Variants in LEO1 observed in about 807,000 individuals in gnomAD.
LEO1 encodes LEO1 component of Paf1/RNA polymerase II complex.
In LEO1, 34 loss-of-function variants were observed where a neutral mutation model predicts 80.4. That is an observed-to-expected ratio of 0.42 (90% CI 0.32 to 0.56). LEO1 has a LOEUF of 0.56. Among genes scored for constraint, LEO1 ranks in the 20% least tolerant of loss-of-function variants. The pLI, the probability that LEO1 is intolerant of heterozygous loss-of-function variation, is 0.10. For missense variants in LEO1, 631 were observed against 814.2 expected (o/e 0.77, Z 2.74); for synonymous variants, 262 against 274.9 (o/e 0.95, Z 0.46).
At chr15:51,952,660 G>A (rs551879121) in intron 8 of LEO1, among the ~76,000 whole-genome samples, 15 of 152,110 alleles carry the variant, frequency 9.9e-5, no homozygotes. Context: ...GTCCTCTTGG[G>A]GGACACACCT....
chr15:51,955,277 G>A (rs1046245479), intron 6 of LEO1, among the ~76,000 whole-genome samples: 6 of 151,836 alleles, frequency 4.0e-5, no homozygotes, highest in Non-Finnish European at 8.8e-5. Context: ...TATAAAGCAA[G>A]TTCTCTCACA....
intron 11 of LEO1, 89 bp downstream of exon 11, chr15:51,947,203 G>T: frequency 1.2e-6 from 1 of 834,766 alleles, no homozygotes; most frequent in Non-Finnish European, 2.1e-6. Flanking sequence ...CAACTAATTT[G>T]TGCCTGCCTG....
At chr15:51,942,842 A>T (rs2141741270) in intron 11 of LEO1, among the ~76,000 whole-genome samples, 1 of 151,588 alleles carries the variant, frequency 6.6e-6, no homozygotes, top group African/African-American at 2.4e-5. Context: ...GAATTGCTTG[A>T]ACCCAGGAGG....
At position 51,947,011 on chromosome 15, in the gene LEO1, G is replaced by A. The variant is rs534989423; in HGVS notation, c.1896+281C>T. 1.5e-4 allele frequency: 57 copies of A among 383,520 alleles called. 1 individual carries two copies. In the South Asian group the frequency reaches 1.6e-3, roughly 11 times the overall value. The allele number at this position is 383,520 out of a possible 1,614,324, so 23.8% of individuals were successfully genotyped here. A position where few individuals can be genotyped will look rare whatever the true frequency, so the allele number is the denominator to read the frequency against. On this transcript the variant is annotated intron_variant, in intron 11 of 11. Transcript: ENST00000299601. Reference sequence around the variant, plus strand: ...CCAGGCCTTTCCATCTATCCGGAGTGACCTACCAGAGACAGGACAGTTTGA... The same window carrying A: ...CCAGGCCTTTCCATCTATCCGGAGTAACCTACCAGAGACAGGACAGTTTGA...
At chr15:51,963,756 G>A (rs549260305) in intron 2 of LEO1, among the ~76,000 whole-genome samples, 1 of 151,928 alleles carries the variant, frequency 6.6e-6, no homozygotes, top group Non-Finnish European at 1.5e-5. Flanking sequence ...ACAAAAATTA[G>A]CTGGGTTTGG....
In LEO1 at chr15:51,960,677, C is replaced by T. The variant is rs1310004927; in HGVS notation, c.976G>A (p.Asp326Asn). 6.2e-7 allele frequency: 1 copy of T among 1,611,456 alleles called. No individual in the cohort carries two copies. The highest frequency in any genetic ancestry group is 8.5e-7 in the Non-Finnish European group (1 of 1,177,532). ...GGAGTAGGTGGTTTGTCTTCTCCAT[C>T]ACTCCCTGAAGAGATATCATCTGCA... ...GGADDISSGS[D>N]GEDKPPTPGQ... Residue 326 changes from aspartate to asparagine, a missense_variant, in exon 4 of 12, where the codon GAT (aspartate) becomes AAT (asparagine). By Grantham distance (23) the Asp-to-Asn change is conservative. This residue lies in a region of LEO1 where 394 missense variants were observed against 395.6 expected (regional missense o/e 1.00). Coordinates refer to ENST00000299601, the MANE Select transcript of LEO1 (RefSeq NM_138792.4).
intron 1 of LEO1, among the ~76,000 whole-genome samples, chr15:51,968,828 CA>C (rs796663598): frequency 0.038 from 5,057 of 132,860 alleles, 271 homozygotes; most frequent in African/African-American, 0.13. Flanking sequence ...GACTCCGTCT[CA>C]AAAAAAAAAA....
chr15:51,948,023 A>G (rs2056916924), intron 10 of LEO1, among the ~76,000 whole-genome samples: 1 of 152,214 alleles, frequency 6.6e-6, no homozygotes, highest in Admixed American at 6.5e-5. Flanking sequence ...CACCAGTAAC[A>G]GTTAATTCCA....
chr15:51,957,910 A>T (rs2057001670), intron 6 of LEO1, among the ~76,000 whole-genome samples: 1 of 152,042 alleles, frequency 6.6e-6, no homozygotes, highest in South Asian at 2.1e-4. Flanking sequence ...AGTCTCAGCT[A>T]CTTGGGAGGC....
rs2056954576 is a variant in LEO1 at position 51,952,162 on chromosome 15, C to T, written c.1476-183G>A. 8.3e-6 allele frequency: 4 copies of T among 480,356 alleles called. No homozygotes were observed. In the South Asian group the frequency reaches 1.6e-4, roughly 19 times the overall value. The allele number at this position is 480,356 out of a possible 1,614,324, so 29.8% of individuals were successfully genotyped here. A position where few individuals can be genotyped will look rare whatever the true frequency, so the allele number is the denominator to read the frequency against. ...TGAGTTTTCTTCATTCTGTGGCTCA[C>T]TGAGACATTCTTATTCCACAAATGA... On this transcript the variant is annotated intron_variant, in intron 8 of 11. Transcript: ENST00000299601.
At chr15:51,945,838 T>A (rs2056895481) in intron 11 of LEO1, among the ~76,000 whole-genome samples, 1 of 151,844 alleles carries the variant, frequency 6.6e-6, no homozygotes, top group South Asian at 2.1e-4. Context: ...ATTGAGACCA[T>A]CCTAGCTAAC....
At chr15:51,967,437 C>T (rs1419328329) in intron 1 of LEO1, among the ~76,000 whole-genome samples, 1 of 152,218 alleles carries the variant, frequency 6.6e-6, no homozygotes, top group Non-Finnish European at 1.5e-5. Flanking sequence ...CACACCATTG[C>T]ACTCTAGCCT....
At chr15:51,949,470 C>A (rs980560563) in intron 10 of LEO1, among the ~76,000 whole-genome samples, 1 of 152,064 alleles carries the variant, frequency 6.6e-6, no homozygotes, top group Non-Finnish European at 1.5e-5. Flanking sequence ...GAGGCCAAGG[C>A]GGGCAGATCA....
intron 6 of LEO1, among the ~76,000 whole-genome samples, chr15:51,957,017 C>T (rs2056994929): frequency 6.6e-6 from 1 of 151,986 alleles, no homozygotes; most frequent in Admixed American, 6.6e-5. Context: ...TTAGTAGAGA[C>T]AAGGTCTTGC....
At chr15:51,951,048 G>A (rs994202600) in intron 9 of LEO1, among the ~76,000 whole-genome samples, 2 of 152,204 alleles carry the variant, frequency 1.3e-5, no homozygotes, top group Non-Finnish European at 2.9e-5. Flanking sequence ...CAGGATGGAG[G>A]AAAAAGCAAG....
chr15:51,967,196 G>A (rs2057084859), intron 1 of LEO1, among the ~76,000 whole-genome samples: 1 of 152,228 alleles, frequency 6.6e-6, no homozygotes, highest in Admixed American at 6.5e-5. Context: ...GCTGAGGCCA[G>A]GCATGGTGGT....
chr15:51,941,066 C>G (rs10152776), intron 11 of LEO1, among the ~76,000 whole-genome samples: 3,888 of 150,950 alleles, frequency 0.026, 174 homozygotes, highest in African/African-American at 0.089. Flanking sequence ...GAGCAAGACT[C>G]CATCTCAAAC....
chr15:51,967,244 G>A (rs138765219), intron 1 of LEO1, among the ~76,000 whole-genome samples: 42 of 152,128 alleles, frequency 2.8e-4, no homozygotes, highest in African/African-American at 9.2e-4. Context: ...AGGCCAAGGC[G>A]GGCAGATCAC....
Position 51,947,856 on chromosome 15 carries a change from A to C in LEO1, c.1799-467T>G, listed in dbSNP as rs923009774. Among the ~76,000 whole-genome samples, 16 of 152,346 alleles carry C rather than the reference A, an allele frequency of 1.1e-4. 1 individual carries two copies. The East Asian group carries it at 3.1e-3, about 29-fold the overall frequency. On this transcript the variant is annotated intron_variant, in intron 10 of 11. Transcript: ENST00000299601. ...TAAAGTTTTTGATTTAAAGATAAGTATAAATTTTAGATATGCGGAAATGAA... is the reference window on the plus strand; with the variant it reads ...TAAAGTTTTTGATTTAAAGATAAGTCTAAATTTTAGATATGCGGAAATGAA...
Sources: gnomAD v4.1 joint callset for allele counts (sites outside exome capture counted in the v4.1 genomes callset) on GRCh38, gnomAD v4.1.1 for gene constraint, gnomAD v4.1.1 regional missense constraint, MANE v1.5 for transcripts, NCBI Gene and HGNC (gene_info 2026-07-23, HGNC 2026-07-21) for gene names.